LRRC9: variants seen among roughly 807,000 people sequenced by gnomAD.
LRRC9 encodes the protein leucine rich repeat containing 9.
A neutral mutation model predicts 63.2 loss-of-function variants in LRRC9; 122 were observed. The ratio of observed to expected loss-of-function variants is 1.93; its 90% CI spans 1.67 to 2.24. LRRC9 has a LOEUF of 2.24. Ranked by LOEUF, LRRC9 falls within the 30% of genes most tolerant of loss-of-function variation. LRRC9 has a pLI of 0.00. For synonymous variants in LRRC9, 366 were observed against 213.1 expected (o/e 1.72, Z -6.25); for missense variants, 1,071 against 627.7 (o/e 1.71, Z -7.55).
rs1367063012 is a variant in LRRC9 at position 59,923,798 on chromosome 14, G to A, written c.-34+3915G>A. On this transcript the variant is annotated intron_variant, in intron 1 of 31. Coordinates refer to ENST00000445360, the Ensembl canonical transcript of LRRC9. The surrounding 1 kb of genome is among the most constrained non-coding windows in gnomAD (Gnocchi z 4.2). ...TACTAAAAATACAAAAAAATTAGCC[G>A]GGCGTGGTGGCAGGCGCCTATAGTT... Among the ~76,000 whole-genome samples, 3 of 152,112 alleles carry A rather than the reference G, an allele frequency of 2.0e-5. No homozygotes were observed. Among genetic ancestry groups the A allele is most frequent in the Non-Finnish European group, 4.4e-5 (3 of 68,010 alleles).
chr14:60,003,999 T>C lies in LRRC9; in HGVS notation c.2842+201T>C, dbSNP rs541765234. ...TGGACCATTCTACAATGTATATATA[T>C]ACTTCAAAACATCATGTTGTACAAG... is the stretch of plus-strand genomic sequence containing the variant. On this transcript the variant is annotated intron_variant, in intron 21 of 31. Transcript: ENST00000445360. This position sits in a 1 kb window ranked among gnomAD's most constrained non-coding sequence, Gnocchi z 4.2. Among the ~76,000 whole-genome samples, 2 of 152,276 alleles carry C rather than the reference T, an allele frequency of 1.3e-5. No homozygotes were observed. The highest frequency in any genetic ancestry group is 2.9e-5 in the Non-Finnish European group (2 of 68,008).
In LRRC9 at chr14:60,042,548, C is replaced by A. The variant is rs1893044938; in HGVS notation, c.3990+10485C>A. 1.3e-5 allele frequency among the ~76,000 whole-genome samples: 2 copies of A among 152,182 alleles called. No homozygotes were observed. Among genetic ancestry groups the A allele is most frequent in the South Asian group, 4.1e-4 (2 of 4,828 alleles). ...CTCCGTGGGCATGGGATCCTCCAAG[C>A]CATGCGCGGGATATAATCTCCTGTT... On this transcript the variant is annotated intron_variant, in intron 29 of 31. Transcript: ENST00000445360. This position sits in a 1 kb window ranked among gnomAD's most constrained non-coding sequence, Gnocchi z 4.2.
intron 12 of LRRC9, chr14:59,969,360 C>T (rs1436912676): frequency 6.6e-6 from 1 of 152,096 alleles, no homozygotes; most frequent in East Asian, 1.9e-4. Context: ...CTGATCTTCC[C>T]TTTTTTCTTC....
chr14:59,967,099 C>A (rs1016034899), exon 12 of LRRC9: 2 of 633,640 alleles, frequency 3.2e-6, no homozygotes, highest in East Asian at 2.8e-5. Flanking sequence ...TCTTAAGGAG[C>A]TACCGAAGGA....
At chr14:59,968,373 G>C (rs755530059) in intron 12 of LRRC9, among the ~76,000 whole-genome samples, 4 of 152,298 alleles carry the variant, frequency 2.6e-5, no homozygotes, top group Admixed American at 1.3e-4. Flanking sequence ...GCACAACAAC[G>C]TGAATGTACC....
chr14:60,014,506 A>G (rs1263416798), intron 23 of LRRC9, among the ~76,000 whole-genome samples: 1 of 151,628 alleles, frequency 6.6e-6, no homozygotes, highest in East Asian at 1.9e-4. Flanking sequence ...TTATTTCTGA[A>G]TGATATTTTC....
chr14:59,987,211 C>T (rs536841902), intron 17 of LRRC9, among the ~76,000 whole-genome samples: 3 of 151,836 alleles, frequency 2.0e-5, no homozygotes, highest in South Asian at 4.2e-4. Context: ...CTGCAGTAAT[C>T]GTCTTCCTGG....
chr14:59,962,464 C>T lies in LRRC9; in HGVS notation c.1211+1419C>T, dbSNP rs138302524. On this transcript the variant is annotated intron_variant, in intron 10 of 31. Coordinates refer to ENST00000445360, the Ensembl canonical transcript of LRRC9. The surrounding 1 kb of genome is among the most constrained non-coding windows in gnomAD (Gnocchi z 5.1). The stretch of plus-strand genomic sequence containing the variant: ...TGTCCCCGAGACTGGAGTGCAGTGG[C>T]CCGATCTCAGCTCGCTGCAACCTCT... Among the ~76,000 whole-genome samples, 398 of 151,794 alleles carry T rather than the reference C, an allele frequency of 2.6e-3. 2 individuals are homozygous for T. The highest frequency in any genetic ancestry group is 9.1e-3 in the African/African-American group (378 of 41,386).
chr14:60,059,882 G>A (rs889757503), intron 31 of LRRC9, among the ~76,000 whole-genome samples: 2 of 152,142 alleles, frequency 1.3e-5, no homozygotes, highest in Admixed American at 6.5e-5. Flanking sequence ...GATGAAAGTC[G>A]CTACACTAAA....
chr14:59,999,510 A>G (rs2140196554), intron 19 of LRRC9, among the ~76,000 whole-genome samples: 1 of 152,200 alleles, frequency 6.6e-6, no homozygotes, highest in East Asian at 1.9e-4. Context: ...AGCCCTTTCT[A>G]GAGCCTACAT....
intron 8 of LRRC9, among the ~76,000 whole-genome samples, chr14:59,959,263 A>G (rs897092360): frequency 2.0e-5 from 3 of 152,208 alleles, no homozygotes; most frequent in Non-Finnish European, 4.4e-5. Flanking sequence ...AAAAACCCCA[A>G]AATAACAAAA....
At chr14:60,066,262 C>T (rs1299332194), downstream of LRRC9, among the ~76,000 whole-genome samples, 2 of 151,838 alleles carry the variant, frequency 1.3e-5, no homozygotes, top group African/African-American at 2.4e-5. Context: ...ACAAATAACC[C>T]TTATATTTAA....
chr14:59,978,237 AT>A, intron 15 of LRRC9, 105 bp downstream of exon 15: 2 of 594,984 alleles, frequency 3.4e-6, no homozygotes, highest in East Asian at 5.7e-5. Context: ...TATTATGTGC[AT>A]GTGTGTATAA....
rs989622055 is a variant in LRRC9 at position 59,938,985 on chromosome 14, A to G, written c.726+413A>G. ...CACATATATACATATATACATATATACACACATATATACATATACATATAT... is the reference window on the plus strand; with the variant it reads ...CACATATATACATATATACATATATGCACACATATATACATATACATATAT... On this transcript the variant is annotated intron_variant, in intron 7 of 31. Transcript: ENST00000445360. The surrounding 1 kb of genome is among the most constrained non-coding windows in gnomAD (Gnocchi z 4.2). 7.0e-6 allele frequency among the ~76,000 whole-genome samples: 1 copy of G among 142,682 alleles called. No homozygotes were observed. The highest frequency in any genetic ancestry group is 1.5e-5 in the Non-Finnish European group (1 of 66,236). 93.6% of individuals were successfully genotyped at this position (142,682 alleles called of 152,430 possible).
chr14:59,974,633 C>T (rs1464652343), exon 13 of LRRC9: 10 of 691,872 alleles, frequency 1.4e-5, no homozygotes, highest in Non-Finnish European at 2.4e-5. Context: ...AAGTGAGTGT[C>T]CCAGAATTGA....
At chr14:60,001,388 A>G (rs903000004) in intron 19 of LRRC9, among the ~76,000 whole-genome samples, 2 of 152,190 alleles carry the variant, frequency 1.3e-5, no homozygotes, top group Non-Finnish European at 2.9e-5. Flanking sequence ...TACTATACAT[A>G]GGACATATGA....
chr14:59,946,149 TAAGAG>T (rs901553988), intron 8 of LRRC9, among the ~76,000 whole-genome samples: 5 of 151,446 alleles, frequency 3.3e-5, no homozygotes, highest in South Asian at 2.1e-4. Context: ...AAATGTTTAA[TAAGAG>T]AAGAGTTATA....
Position 60,061,016 on chromosome 14 carries a change from T to A in LRRC9, c.4277-2307T>A, listed in dbSNP as rs566084661. ...AATTGCTGCAATCTCATGATCAAAC[T>A]TGAATGGATGAGGAGTTGCTTCTTA... On this transcript the variant is annotated intron_variant, in intron 31 of 31. Transcript: ENST00000445360. Among the ~76,000 whole-genome samples, 18 of 152,284 alleles carry A rather than the reference T, an allele frequency of 1.2e-4. No individual in the cohort carries two copies. In the South Asian group the frequency reaches 2.7e-3, roughly 23 times the overall value.
rs952298618 is a variant in LRRC9, at chr14:60,003,099, A to C, written c.2665-522A>C. 2.0e-5 allele frequency among the ~76,000 whole-genome samples: 3 copies of C among 152,208 alleles called. No individual in the cohort carries two copies. Among genetic ancestry groups the C allele is most frequent in the African/African-American group, 4.8e-5 (2 of 41,444 alleles). On this transcript the variant is annotated intron_variant, in intron 20 of 31. Coordinates refer to ENST00000445360, the Ensembl canonical transcript of LRRC9. This position sits in a 1 kb window ranked among gnomAD's most constrained non-coding sequence, Gnocchi z 4.2. ...AGACATTACTGGCATTACTTTTATT[A>C]CAAGATATATATAGATATTGAGCTG...
Sources: gnomAD v4.1 joint callset for allele counts (sites outside exome capture counted in the v4.1 genomes callset) on GRCh38, gnomAD v4.1.1 for gene constraint, Gnocchi (gnomAD v3.1) non-coding constraint, MANE v1.5 for transcripts, NCBI Gene and HGNC (gene_info 2026-07-23, HGNC 2026-07-21) for gene names.